PPP2R5C: variants seen among roughly 807,000 people sequenced by gnomAD.
PPP2R5C encodes serine/threonine-protein phosphatase 2A 56 kDa regulatory subunit gamma isoform.
In PPP2R5C, 7 loss-of-function variants were observed where a neutral mutation model predicts 68.9. That is an observed-to-expected ratio of 0.10 (90% CI 0.06 to 0.19). The LOEUF (loss-of-function observed/expected upper bound fraction) is 0.19, where lower values mean the gene tolerates loss of function less well. Among genes scored for constraint, PPP2R5C ranks in the 10% least tolerant of loss-of-function variants. The pLI is 1.00. For synonymous variants in PPP2R5C, 210 were observed against 222.2 expected (o/e 0.95, Z 0.49); for missense variants, 348 against 641.3 (o/e 0.54, Z 4.94).
intron 13 of PPP2R5C, among the ~76,000 whole-genome samples, chr14:101,919,430 T>C (rs2046888427): frequency 6.6e-6 from 1 of 152,260 alleles, no homozygotes; most frequent in Non-Finnish European, 1.5e-5. Context: ...AAAATCTGTA[T>C]ATATTTCTCT....
chr14:101,921,303 A>T (rs1050759586), intron 13 of PPP2R5C: 18 of 156,746 alleles, frequency 1.1e-4, no homozygotes, highest in Admixed American at 1.1e-3. Context: ...GTCTCAAGTG[A>T]TCTGCCTGCC....
intron 1 of PPP2R5C, among the ~76,000 whole-genome samples, chr14:101,822,326 A>G (rs961495): frequency 0.17 from 26,528 of 152,088 alleles, 2,369 homozygotes; most frequent in Admixed American, 0.21. Context: ...CCAAAGAGAA[A>G]AACACGAACG....
intron 12 of PPP2R5C, chr14:101,912,711 G>C: frequency 6.2e-6 from 5 of 812,180 alleles, no homozygotes; most frequent in Non-Finnish European, 8.3e-6. Flanking sequence ...AATAAGATCT[G>C]AATCTTATGC....
intron 9 of PPP2R5C, among the ~76,000 whole-genome samples, chr14:101,903,285 A>G (rs1566955933): frequency 6.6e-6 from 1 of 152,246 alleles, no homozygotes; most frequent in African/African-American, 2.4e-5. Flanking sequence ...AGACAGGGAC[A>G]AGTGGACTCA....
chr14:101,896,851 G>C (rs2045369696), intron 8 of PPP2R5C, among the ~76,000 whole-genome samples: 1 of 152,114 alleles, frequency 6.6e-6, no homozygotes, highest in African/African-American at 2.4e-5. Flanking sequence ...CTCTTTCACA[G>C]TTCTTTTGTG....
At chr14:101,889,972 G>A (rs746621308) in intron 5 of PPP2R5C, 8 of 565,870 alleles carry the variant, frequency 1.4e-5, no homozygotes, top group Non-Finnish European at 2.0e-5. Context: ...AATTCTTTCC[G>A]TTTTCCTAGA....
intron 2 of PPP2R5C, among the ~76,000 whole-genome samples, chr14:101,769,403 A>C (rs2037034307): frequency 6.6e-6 from 1 of 152,196 alleles, no homozygotes; most frequent in Admixed American, 6.5e-5. Flanking sequence ...CCTAGAGTCA[A>C]GAAGTATTGA....
intron 1 of PPP2R5C, among the ~76,000 whole-genome samples, chr14:101,854,683 G>A (rs1042525783): frequency 6.6e-6 from 1 of 152,162 alleles, no homozygotes; most frequent in African/African-American, 2.4e-5. Flanking sequence ...CTGGCATGGG[G>A]CAGTGGGTCT....
At chr14:101,816,787 T>C (rs1016519681) in intron 1 of PPP2R5C, among the ~76,000 whole-genome samples, 2 of 150,236 alleles carry the variant, frequency 1.3e-5, no homozygotes, top group African/African-American at 4.9e-5. Context: ...TGAGGGGATA[T>C]ACAATATACA....
intron 5 of PPP2R5C, 139 bp downstream of exon 7, chr14:101,883,701 G>T (rs1168601818): frequency 1.2e-4 from 144 of 1,175,302 alleles, no homozygotes; most frequent in African/African-American, 7.8e-5. Context: ...TCATGTGCAG[G>T]TGGACCCCCT....
chr14:101,760,791 C>A (rs2036459734), upstream of PPP2R5C: 1 of 357,922 alleles, frequency 2.8e-6, no homozygotes, highest in Non-Finnish European at 3.1e-6. Context: ...AGGGAAGGGG[C>A]CGGCCGAGGG....
intron 5 of PPP2R5C, chr14:101,889,766 AC>A (rs2044740996): frequency 2.9e-6 from 1 of 347,174 alleles, no homozygotes; most frequent in Non-Finnish European, 5.6e-6. Flanking sequence ...AATCACTTCT[AC>A]CCTTTGCAGG....
rs200141931 is a variant in PPP2R5C, at chr14:101,909,570, C to T, written c.1152-19C>T. ...CAGGAATGCGTGCTCCCAGGCTCACCGTGCGGTTTTCTTTATAGGACAATA... is the reference window on the plus strand; with the variant it reads ...CAGGAATGCGTGCTCCCAGGCTCACTGTGCGGTTTTCTTTATAGGACAATA... On this transcript the variant is annotated intron_variant, in intron 10 of 13. Coordinates refer to ENST00000334743, the Ensembl canonical transcript of PPP2R5C. 1.3e-4 allele frequency: 204 copies of T among 1,544,308 alleles called. No homozygotes were observed. The highest frequency in any genetic ancestry group is 3.3e-4 in the South Asian group (29 of 89,222).
At chr14:101,844,354 G>A (rs75397397) in intron 1 of PPP2R5C, among the ~76,000 whole-genome samples, 1,560 of 152,224 alleles carry the variant, frequency 0.01, 27 homozygotes, top group African/African-American at 0.035. Context: ...GGACACACAC[G>A]TGCACACAGT....
At chr14:101,837,123 GT>G (rs979246018) in intron 1 of PPP2R5C, among the ~76,000 whole-genome samples, 7 of 151,646 alleles carry the variant, frequency 4.6e-5, no homozygotes, top group African/African-American at 9.7e-5. Flanking sequence ...CATTTTATAA[GT>G]TTTTTTTTGT....
intron 13 of PPP2R5C, among the ~76,000 whole-genome samples, chr14:101,922,943 T>A (rs1046747633): frequency 1.3e-5 from 2 of 152,262 alleles, no homozygotes; most frequent in African/African-American, 4.8e-5. Flanking sequence ...CATAGCCATG[T>A]ATGCCCAATG....
chr14:101,903,790 C>G (rs1595518325), intron 9 of PPP2R5C, among the ~76,000 whole-genome samples: 1 of 151,984 alleles, frequency 6.6e-6, no homozygotes, highest in East Asian at 1.9e-4. Context: ...ATTCTCCTGC[C>G]TCGGCCTCCC....
At chr14:101,869,223 C>T (rs993500895) in intron 2 of PPP2R5C, among the ~76,000 whole-genome samples, 6 of 152,188 alleles carry the variant, frequency 3.9e-5, no homozygotes, top group African/African-American at 1.4e-4. Flanking sequence ...TAGCTTCTTT[C>T]GCTTAGCTTG....
chr14:101,789,638 A>C (rs1056188622), intron 3 of PPP2R5C: 3 of 152,156 alleles, frequency 2.0e-5, no homozygotes, highest in Non-Finnish European at 4.4e-5. Context: ...GCTGGTCTGT[A>C]GTTTTGTTCT....
Sources: gnomAD v4.1 joint callset for allele counts (sites outside exome capture counted in the v4.1 genomes callset) on GRCh38, gnomAD v4.1.1 for gene constraint, MANE v1.5 for transcripts, NCBI Gene and HGNC (gene_info 2026-07-23, HGNC 2026-07-21) for gene names.